Variants in TENM3 observed in about 807,000 individuals in gnomAD.
TENM3 encodes the protein teneurin-3.
TENM3 carries 63 observed loss-of-function variants against 255.1 expected under a neutral mutation model. The ratio of observed to expected loss-of-function variants is 0.25; its 90% confidence interval spans 0.20 to 0.30. The LOEUF is 0.30. TENM3 is among the 10% of genes least tolerant of loss of function. The pLI, the probability that TENM3 is intolerant of heterozygous loss-of-function variation, is 1.00. For missense variants in TENM3, 2,929 were observed against 3,461.1 expected (o/e 0.85, Z 3.86); for synonymous variants, 1,306 against 1,322.3 (o/e 0.99, Z 0.27).
intron 13 of TENM3, among the ~76,000 whole-genome samples, chr4:182,717,166 AC>A (rs897388850): frequency 5.9e-5 from 9 of 152,182 alleles, no homozygotes; most frequent in Non-Finnish European, 1.3e-4. Flanking sequence ...ATTTTACTTC[AC>A]CCCGTCAAGT....
chr4:182,797,971 A>C (rs187974007), intron 27 of TENM3, among the ~76,000 whole-genome samples: 41 of 152,192 alleles, frequency 2.7e-4, no homozygotes, highest in Admixed American at 8.5e-4. Context: ...GTGTGTGTGC[A>C]ACATTTTGGT....
At chr4:182,443,598 T>C (rs1413641678) in intron 3 of TENM3, among the ~76,000 whole-genome samples, 2 of 152,166 alleles carry the variant, frequency 1.3e-5, no homozygotes, top group African/African-American at 4.8e-5. Flanking sequence ...CAGGTAGGAA[T>C]GATGTCCCTA....
chr4:182,076,458 T>C, the TENM3 span, among the ~76,000 whole-genome samples: 1 of 151,926 alleles, frequency 6.6e-6, no homozygotes, highest in Admixed American at 6.6e-5. Context: ...TGCCTCGGCC[T>C]CCCAAAGCGC....
the TENM3 span, among the ~76,000 whole-genome samples, chr4:181,915,686 A>C: frequency 8.2e-6 from 1 of 121,376 alleles, no homozygotes; most frequent in Admixed American, 9.0e-5. Flanking sequence ...AGGGGAGGGG[A>C]AGGGGGGAGG....
chr4:182,777,964 TA>T (rs1764838966), intron 24 of TENM3, among the ~76,000 whole-genome samples: 1 of 151,690 alleles, frequency 6.6e-6, no homozygotes, highest in Non-Finnish European at 1.5e-5. Flanking sequence ...AACAGTACAT[TA>T]GGGGACAGGC....
chr4:182,251,127 T>C (rs894551815), intron 1 of TENM3, among the ~76,000 whole-genome samples: 3 of 152,246 alleles, frequency 2.0e-5, no homozygotes, highest in Non-Finnish European at 4.4e-5. Flanking sequence ...GAGGTCTGGA[T>C]TTCCAGGTTA....
chr4:182,715,780 C>T (rs1759111384), intron 13 of TENM3, among the ~76,000 whole-genome samples: 1 of 152,170 alleles, frequency 6.6e-6, no homozygotes, highest in South Asian at 2.1e-4. Flanking sequence ...CAGAGACACA[C>T]ATACAAGCAA....
At chr4:182,278,714 A>G (rs1007569396) in intron 1 of TENM3, among the ~76,000 whole-genome samples, 7 of 151,512 alleles carry the variant, frequency 4.6e-5, no homozygotes, top group Admixed American at 4.6e-4. Context: ...CCTCTGTGAC[A>G]TTTCGTGATT....
At chr4:181,985,275 A>T in the TENM3 span, among the ~76,000 whole-genome samples, 4 of 151,834 alleles carry the variant, frequency 2.6e-5, no homozygotes, top group Non-Finnish European at 5.9e-5. Context: ...CCCTAAAAAC[A>T]TCCCCAGGCT....
At chr4:182,510,757 A>G (rs930789746) in intron 3 of TENM3, among the ~76,000 whole-genome samples, 1 of 151,824 alleles carries the variant, frequency 6.6e-6, no homozygotes, top group East Asian at 1.9e-4. Flanking sequence ...TTTTTGCAAC[A>G]TTTTTTTCTA....
chr4:182,091,491 G>A, the TENM3 span, among the ~76,000 whole-genome samples: 3 of 152,168 alleles, frequency 2.0e-5, no homozygotes, highest in African/African-American at 4.8e-5. Context: ...AAAGGAAAGA[G>A]GTGAGGTTTT....
At chr4:182,174,950 T>TATTTA (rs113012735) in intron 1 of TENM3, among the ~76,000 whole-genome samples, 97,646 of 151,312 alleles carry the variant, frequency 0.65, 32,401 homozygotes, top group Non-Finnish European at 0.73. Context: ...TCAACTGAAA[T>TATTTA]ATTTGTTACA....
At chr4:181,762,455 A>T in the TENM3 span, among the ~76,000 whole-genome samples, 1 of 152,288 alleles carries the variant, frequency 6.6e-6, no homozygotes, top group Non-Finnish European at 1.5e-5. Context: ...TCATGCTCTC[A>T]GTTAGAAAAG....
chr4:181,861,477 A>G, the TENM3 span, among the ~76,000 whole-genome samples: 2 of 152,160 alleles, frequency 1.3e-5, no homozygotes, highest in African/African-American at 4.8e-5. Context: ...TGAAATATTC[A>G]TTATGTGGAC....
At chr4:182,032,094 T>C in the TENM3 span, among the ~76,000 whole-genome samples, 2 of 152,328 alleles carry the variant, frequency 1.3e-5, no homozygotes, top group Admixed American at 1.3e-4. Flanking sequence ...CTATGTTGAA[T>C]AGGAGTGGTG....
the TENM3 span, among the ~76,000 whole-genome samples, chr4:181,484,255 G>C: frequency 6.6e-6 from 1 of 151,904 alleles, no homozygotes; most frequent in Non-Finnish European, 1.5e-5. Context: ...TTGATCACTC[G>C]GGAGAGATTA....
chr4:181,694,741 G>T, the TENM3 span, among the ~76,000 whole-genome samples: 2 of 152,168 alleles, frequency 1.3e-5, no homozygotes, highest in Non-Finnish European at 2.9e-5. Flanking sequence ...AGAGCTTTGC[G>T]TTAACAACAA....
At chr4:181,887,401 C>A in the TENM3 span, among the ~76,000 whole-genome samples, 1 of 152,192 alleles carries the variant, frequency 6.6e-6, no homozygotes. Flanking sequence ...TTTCCAATTT[C>A]TCTTTATTAG....
rs549668582 is a variant in TENM3 at position 182,768,017 on chromosome 4, C to T, written c.4893-5455C>T. On this transcript the variant is annotated intron_variant, in intron 22 of 27. Coordinates refer to ENST00000511685, the MANE Select transcript of TENM3 (RefSeq NM_001080477.4). ...GGGAGGGCATTGCCGCCAGTATATA[C>T]GTAACGACATATGCTGGTCTCGTGT... is the stretch of plus-strand genomic sequence containing the variant. Among the ~76,000 whole-genome samples the T allele has an allele frequency of 6.0e-4, 92 of 152,272 alleles. 1 individual carries two copies. The highest frequency in any genetic ancestry group is 2.0e-3 in the African/African-American group (83 of 41,548).
Sources: allele counts gnomAD v4.1 joint callset (sites outside exome capture counted in the v4.1 genomes callset), GRCh38; gene constraint gnomAD v4.1.1; transcripts MANE v1.5; gene names NCBI Gene and HGNC (gene_info 2026-07-23, HGNC 2026-07-21).